VEPH1: variants seen among roughly 807,000 people sequenced by gnomAD.
VEPH1 encodes the protein ventricular zone-expressed PH domain-containing protein homolog 1.
A neutral mutation model predicts 85.2 loss-of-function variants in VEPH1; 80 were observed. The ratio of observed to expected loss-of-function variants is 0.94; its 90% CI spans 0.78 to 1.13. VEPH1 has a LOEUF of 1.13. Ranked by LOEUF, VEPH1 falls within the 50% of genes most tolerant of loss-of-function variation. The pLI is 0.00. For synonymous variants in VEPH1, 297 were observed against 348.0 expected (o/e 0.85, Z 1.63); for missense variants, 955 against 980.5 (o/e 0.97, Z 0.35).
At chr3:157,295,598 G>A (rs1718020705) in intron 11 of VEPH1, among the ~76,000 whole-genome samples, 1 of 128,984 alleles carries the variant, frequency 7.8e-6, no homozygotes, top group Non-Finnish European at 1.6e-5. Context: ...ACACAGCAGA[G>A]AGCTGGTGTT....
chr3:157,450,523 C>G (rs961626990), intron 4 of VEPH1, among the ~76,000 whole-genome samples: 1 of 151,402 alleles, frequency 6.6e-6, no homozygotes, highest in Non-Finnish European at 1.5e-5. Context: ...CATCTCATTC[C>G]TGACTTTAAA....
intron 11 of VEPH1, among the ~76,000 whole-genome samples, chr3:157,288,917 C>T (rs1409951483): frequency 6.6e-6 from 1 of 152,136 alleles, no homozygotes; most frequent in Non-Finnish European, 1.5e-5. Context: ...TACCGTATCT[C>T]AGGCATTCCA....
At chr3:157,341,397 A>T (rs1460048965) in intron 9 of VEPH1, among the ~76,000 whole-genome samples, 1 of 152,258 alleles carries the variant, frequency 6.6e-6, no homozygotes, top group Non-Finnish European at 1.5e-5. Flanking sequence ...TCAGTAGCCG[A>T]TTCAATCAAC....
intron 12 of VEPH1, among the ~76,000 whole-genome samples, chr3:157,266,956 C>T (rs1413858285): frequency 6.6e-6 from 1 of 152,128 alleles, no homozygotes; most frequent in African/African-American, 2.4e-5. Context: ...ATGAACACAA[C>T]CTGCCTTTTG....
intron 12 of VEPH1, chr3:157,286,337 T>G: frequency 1.8e-6 from 1 of 553,074 alleles, no homozygotes; most frequent in Non-Finnish European, 3.3e-6. Context: ...GATAACCACA[T>G]ATAGGTAAGG....
chr3:157,437,188 T>C, intron 4 of VEPH1: 2 of 1,288,418 alleles, frequency 1.6e-6, no homozygotes, highest in Non-Finnish European at 2.2e-6. Context: ...TATGCAAAAG[T>C]GAGAAGCACT....
At chr3:157,459,617 G>T in intron 4 of VEPH1, 1 of 1,248,198 alleles carries the variant, frequency 8.0e-7, no homozygotes, top group East Asian at 3.5e-5. Flanking sequence ...AAGACAAGGA[G>T]AATATTTTGC....
At chr3:157,482,060 C>A (rs1363850765) in intron 2 of VEPH1, among the ~76,000 whole-genome samples, 2 of 152,038 alleles carry the variant, frequency 1.3e-5, no homozygotes, top group Non-Finnish European at 2.9e-5. Flanking sequence ...ACCATGCTGT[C>A]TTAGTTATTG....
At chr3:157,396,277 T>C (rs1031687340) in intron 6 of VEPH1, among the ~76,000 whole-genome samples, 1 of 152,246 alleles carries the variant, frequency 6.6e-6, no homozygotes, top group Non-Finnish European at 1.5e-5. Context: ...ATCTCATTCC[T>C]TTTTATGGCT....
intron 7 of VEPH1, among the ~76,000 whole-genome samples, chr3:157,379,388 A>G (rs1422154308): frequency 2.0e-5 from 3 of 152,158 alleles, no homozygotes; most frequent in African/African-American, 7.2e-5. Context: ...GTCTAGAGAA[A>G]TGCTTGGCAC....
Position 157,353,800 on chromosome 3 carries a change from T to G in VEPH1, c.1735+9564A>C, listed in dbSNP as rs1192827619. Among the ~76,000 whole-genome samples, 3 of 152,158 alleles carry G rather than the reference T, an allele frequency of 2.0e-5. No individual in the cohort carries two copies. In the East Asian group the frequency reaches 5.8e-4, roughly 29 times the overall value. On this transcript the variant is annotated intron_variant, in intron 9 of 13. Transcript: ENST00000362010. ...TTATTTATCATACATCTTTTCCCAC[T>G]AGAACAGCCTCCATGGAGGCAAGGA...
At chr3:157,328,136 G>C (rs916497376) in intron 9 of VEPH1, among the ~76,000 whole-genome samples, 1 of 152,198 alleles carries the variant, frequency 6.6e-6, no homozygotes, top group African/African-American at 2.4e-5. Flanking sequence ...CCTGAGATTA[G>C]AGTGGCTCCT....
chr3:157,334,415 T>C (rs1722774582), intron 9 of VEPH1, among the ~76,000 whole-genome samples: 1 of 152,248 alleles, frequency 6.6e-6, no homozygotes, highest in Non-Finnish European at 1.5e-5. Flanking sequence ...TTCATGTGGC[T>C]AATTGTACTC....
At chr3:157,349,356 C>T (rs1049530819) in intron 9 of VEPH1, among the ~76,000 whole-genome samples, 1 of 152,256 alleles carries the variant, frequency 6.6e-6, no homozygotes, top group African/African-American at 2.4e-5. Flanking sequence ...AAACTCTCAA[C>T]AAACTAGGCA....
chr3:157,408,866 A>C (rs1012210358), intron 6 of VEPH1, among the ~76,000 whole-genome samples: 7 of 152,088 alleles, frequency 4.6e-5, no homozygotes, highest in African/African-American at 1.7e-4. Flanking sequence ...AATGTAGGGG[A>C]ATGAAGTAGA....
At chr3:157,321,446 T>C (rs1015932759) in intron 9 of VEPH1, among the ~76,000 whole-genome samples, 4 of 152,222 alleles carry the variant, frequency 2.6e-5, no homozygotes, top group African/African-American at 7.2e-5. Flanking sequence ...TGTACCCAGA[T>C]GTAAGTGTAA....
intron 11 of VEPH1, among the ~76,000 whole-genome samples, chr3:157,289,333 T>G (rs1294715711): frequency 6.6e-6 from 1 of 152,244 alleles, no homozygotes; most frequent in African/African-American, 2.4e-5. Context: ...CACATTTGTC[T>G]TGGAAAAAAG....
chr3:157,327,297 A>G lies in VEPH1; in HGVS notation c.1736-10096T>C, dbSNP rs541688022. Among the ~76,000 whole-genome samples, 283 of 152,250 alleles carry G rather than the reference A, an allele frequency of 1.9e-3. 2 individuals carry two copies. The highest frequency in any genetic ancestry group is 3.6e-3 in the Non-Finnish European group (247 of 68,006). Reference sequence around the variant, plus strand: ...TAAGCATAGGAGAGATGAGAGAAAGAACATTTTTATCCAAAGGAAAGATTG... The same window carrying G: ...TAAGCATAGGAGAGATGAGAGAAAGGACATTTTTATCCAAAGGAAAGATTG... On this transcript the variant is annotated intron_variant, in intron 9 of 13. Coordinates refer to ENST00000362010, the MANE Select transcript of VEPH1 (RefSeq NM_001167912.2).
intron 12 of VEPH1, among the ~76,000 whole-genome samples, chr3:157,282,075 G>GA: frequency 6.6e-6 from 1 of 152,224 alleles, no homozygotes; most frequent in Middle Eastern, 3.4e-3. Flanking sequence ...TTGACTGTCT[G>GA]AAAAAACTCT....
Sources: gnomAD v4.1 joint callset for allele counts (sites outside exome capture counted in the v4.1 genomes callset) on GRCh38, gnomAD v4.1.1 for gene constraint, MANE v1.5 for transcripts, NCBI Gene and HGNC (gene_info 2026-07-23, HGNC 2026-07-21) for gene names.